Variants in CFHR4 observed in about 807,000 individuals in gnomAD.
CFHR4 encodes the protein complement factor H-related protein 4.
A neutral mutation model predicts 69.3 loss-of-function variants in CFHR4; 64 were observed. That is an observed-to-expected ratio of 0.92 (90% CI 0.76 to 1.14). The LOEUF (loss-of-function observed/expected upper bound fraction) is 1.14. Among genes scored for constraint, CFHR4 ranks in the 50% most tolerant of loss-of-function variants. CFHR4 has a pLI of 0.00. For missense variants in CFHR4, 636 were observed against 684.9 expected, an observed-to-expected ratio of 0.93 and a Z score of 0.80; for synonymous variants, 244 against 237.0, an observed-to-expected ratio of 1.03 and a Z score of -0.27.
At chr1:196,893,226 G>C (rs1657123907) in intron 1 of CFHR4, among the ~76,000 whole-genome samples, 2 of 151,826 alleles carry the variant, frequency 1.3e-5, no homozygotes, top group Admixed American at 1.3e-4. Flanking sequence ...CAAAAAGATA[G>C]AGTTATAGCG....
At chr1:196,900,317 A>ATTTTTTT (rs36051521) in intron 1 of CFHR4, among the ~76,000 whole-genome samples, 1 of 134,026 alleles carries the variant, frequency 7.5e-6, no homozygotes, top group Non-Finnish European at 1.6e-5. Flanking sequence ...CATAGGTGGA[A>ATTTTTTT]TTTTTTTTTT....
Position 196,914,499 on chromosome 1 carries a change from T to G in CFHR4, c.1185T>G (p.Phe395Leu). The G allele has an allele frequency of 6.2e-7, 1 of 1,605,200 alleles. No individual in the cohort carries two copies. The highest frequency in any genetic ancestry group is 1.1e-5 in the South Asian group (1 of 89,582). ...CTCAATTTTATTTTGTTTCAGAATT[T>G]TGTGATATGCCTGTTTTTGAGAATT... ...GWSAQPICIK[F>L]CDMPVFENSR... Residue 395 changes from phenylalanine to leucine, a missense_variant, in exon 8 of 10, where the codon TTT becomes TTG. Physicochemically the swap from Phe to Leu is conservative, Grantham distance 22. Transcript: ENST00000608469.
In CFHR4 at chr1:196,907,344, A is replaced by G; in HGVS notation, c.645A>G (p.Pro215=). 8 of 1,611,536 alleles carry G rather than the reference A, an allele frequency of 5.0e-6. No individual in the cohort carries two copies. The highest frequency in any genetic ancestry group is 5.9e-6 in the Non-Finnish European group (7 of 1,178,810). Residue 215 remains proline, a synonymous_variant, in exon 5 of 10, where the codon CCA becomes CCG. Coordinates refer to ENST00000608469, the MANE Select transcript of CFHR4 (RefSeq NM_001201550.3). The part of the protein sequence containing the change: ...YNSSENCGPP[P]PISNGDTTSF... ...CTTCAGAAAACTGTGGGCCTCCTCC[A>G]CCTATTAGCAATGGAGATACCACGT...
Position 196,902,472 on chromosome 1 carries a change from G to A in CFHR4, c.113G>A (p.Ser38Asn). The change falls in exon 2 of 10, where the codon AGT becomes AAT. Residue 38 changes from serine to asparagine, a missense_variant. Ser to Asn is a conservative substitution (Grantham distance 46). Around this residue, in one of 3 missense-constraint regions of CFHR4, gnomAD observed 529 missense variants for 533.2 expected, o/e 0.99. Coordinates refer to ENST00000608469, the MANE Select transcript of CFHR4 (RefSeq NM_001201550.3). ...CAACATGGAGGTCTATATTATAAGA[G>A]TTTGCGTAGACTATACTTTCCAGCA... ...EIQHGGLYYK[S>N]LRRLYFPAAA... is the part of the protein sequence containing the mutation. The A allele has an allele frequency of 6.2e-7, 1 of 1,612,042 alleles. No homozygotes were observed. The highest frequency in any genetic ancestry group is 8.5e-7 in the Non-Finnish European group (1 of 1,179,012).
rs1430591408 is a variant in CFHR4 at position 196,892,998 on chromosome 1, G to A, written c.58+4790G>A. 2.6e-5 allele frequency among the ~76,000 whole-genome samples: 4 copies of A among 151,490 alleles called. 2 individuals are homozygous for A. Among genetic ancestry groups the A allele is most frequent in the Admixed American group, 1.3e-4 (2 of 15,196 alleles). On this transcript the variant is annotated intron_variant, in intron 1 of 9. Transcript: ENST00000608469. ...TTAATGGACAATGGTGGTACTGAGA[G>A]GAACATCTATCTCTTTTAGGCTTCA... is the stretch of plus-strand genomic sequence containing the variant.
chr1:196,898,414 G>A (rs958486535), intron 1 of CFHR4, among the ~76,000 whole-genome samples: 3 of 151,560 alleles, frequency 2.0e-5, no homozygotes, highest in East Asian at 1.9e-4. Flanking sequence ...AGTATATGGA[G>A]TTTTGAGAAG....
chr1:196,889,660 G>T (rs984495918), intron 1 of CFHR4, among the ~76,000 whole-genome samples: 1 of 151,478 alleles, frequency 6.6e-6, no homozygotes, highest in African/African-American at 2.4e-5. Flanking sequence ...ATAACATCTT[G>T]GGTAGTGAGA....
At chr1:196,898,683 C>T (rs1657435896) in intron 1 of CFHR4, among the ~76,000 whole-genome samples, 2 of 151,548 alleles carry the variant, frequency 1.3e-5, no homozygotes, top group South Asian at 4.1e-4. Flanking sequence ...CCTTTATTTT[C>T]TCACAGATTT....
At chr1:196,898,857 G>A (rs1248314905) in intron 1 of CFHR4, among the ~76,000 whole-genome samples, 5 of 151,424 alleles carry the variant, frequency 3.3e-5, no homozygotes, top group Admixed American at 6.6e-5. Context: ...TTGGTAGGAG[G>A]TCCCAGTACC....
intron 1 of CFHR4, among the ~76,000 whole-genome samples, chr1:196,895,462 C>G (rs1258999718): frequency 6.6e-6 from 1 of 151,418 alleles, no homozygotes; most frequent in Non-Finnish European, 1.5e-5. Flanking sequence ...TCACTTTATA[C>G]TTTAATTTCT....
At position 196,888,164 on chromosome 1, in the gene CFHR4, T is replaced by C. The variant is rs985129740; in HGVS notation, c.14T>C (p.Ile5Thr). Residue 5 changes from isoleucine (I) to threonine (T), a missense_variant, in exon 1 of 10, where the codon ATC becomes ACC. Ile to Thr is a moderately conservative substitution (Grantham distance 89, BLOSUM62 -1). Transcript: ENST00000608469. ...AGAATATCTAACATGTTGTTACTAA[T>C]CAATGTCATTCTGACCTTGTGGGTT... The part of the protein sequence containing the change: MLLL[I>T]NVILTLWVSC... 6.2e-6 allele frequency: 10 copies of C among 1,611,162 alleles called. No individual in the cohort carries two copies. Among genetic ancestry groups the C allele is most frequent in the Middle Eastern group, 1.7e-4 (1 of 6,050 alleles).
Position 196,914,627 on chromosome 1 carries a change from T to C in CFHR4, c.1313T>C (p.Ile438Thr), listed in dbSNP as rs750894613. 19 of 1,610,814 alleles carry C rather than the reference T, an allele frequency of 1.2e-5. No homozygotes were observed. In the South Asian group the frequency reaches 1.4e-4, roughly 12 times the overall value. ...AGTTATGGAAACACCACAGGTTCCA[T>C]AGTGTGTGGTGAAGATGGGTGGTCC... ...EISYGNTTGS[I>T]VCGEDGWSHF... The change falls in exon 8 of 10, where the codon ATA (isoleucine) becomes ACA (threonine). Residue 438 changes from isoleucine to threonine, a missense_variant. By Grantham distance (89) the Ile-to-Thr change is moderately conservative (BLOSUM62 -1). Coordinates refer to ENST00000608469, the MANE Select transcript of CFHR4 (RefSeq NM_001201550.3).
chr1:196,903,071 T>C (rs186538165), intron 2 of CFHR4, among the ~76,000 whole-genome samples: 2 of 151,438 alleles, frequency 1.3e-5, no homozygotes, highest in Admixed American at 1.3e-4. Context: ...ATTTGGAGAA[T>C]GGATATAATA....
At position 196,918,247 on chromosome 1, in the gene CFHR4, TAAC is replaced by T; in HGVS notation, c.1580_1582del (p.Asn527del). ...TAACTGAAGAAAACATGAATAAAAA[TAAC>T]ATACAGTTAAAAGGAAAAAGTGACA... On this transcript the variant is annotated inframe_deletion, in exon 10 of 10. Coordinates refer to ENST00000608469, the MANE Select transcript of CFHR4 (RefSeq NM_001201550.3). 6.2e-7 allele frequency: 1 copy of T among 1,605,924 alleles called. No individual in the cohort carries two copies. Among genetic ancestry groups the T allele is most frequent in the Non-Finnish European group, 8.5e-7 (1 of 1,174,438 alleles).
In CFHR4 at chr1:196,918,597, C is replaced by T; in HGVS notation, c.*191C>T. 2 of 568,202 alleles carry T rather than the reference C, an allele frequency of 3.5e-6. No individual in the cohort carries two copies. The highest frequency in any genetic ancestry group is 2.1e-5 in the South Asian group (1 of 48,548). The allele number at this position is 568,202 out of a possible 1,614,324, so 35.2% of individuals were successfully genotyped here. A position where few individuals can be genotyped will look rare whatever the true frequency, so the allele number is the denominator to read the frequency against. ...AAAACAAACTAAATTATTGCTTATG[C>T]TTGTACTAAAATAATAAAAACTACC... On this transcript the variant is annotated 3_prime_UTR_variant, in exon 10 of 10. Transcript: ENST00000608469.
intron 9 of CFHR4, among the ~76,000 whole-genome samples, chr1:196,916,464 C>T (rs1238325223): frequency 6.6e-6 from 1 of 151,792 alleles, no homozygotes; most frequent in Non-Finnish European, 1.5e-5. Context: ...TACCTTTTAC[C>T]TTTCATATTG....
intron 5 of CFHR4, among the ~76,000 whole-genome samples, chr1:196,908,877 T>C (rs1445586098): frequency 6.6e-6 from 1 of 151,460 alleles, no homozygotes. Context: ...ATTTTGATGC[T>C]ATGCTACCTT....
intron 1 of CFHR4, among the ~76,000 whole-genome samples, chr1:196,890,015 T>C (rs1401249394): frequency 6.6e-6 from 1 of 151,570 alleles, no homozygotes; most frequent in African/African-American, 2.4e-5. Context: ...TAAATTTCTA[T>C]GAAATCTGTG....
chr1:196,890,242 A>G (rs1033900721), intron 1 of CFHR4, among the ~76,000 whole-genome samples: 9 of 151,496 alleles, frequency 5.9e-5, no homozygotes, highest in African/African-American at 2.2e-4. Flanking sequence ...GTTTATATAT[A>G]CCTGTATTCA....
Sources: gnomAD v4.1 joint callset for allele counts (sites outside exome capture counted in the v4.1 genomes callset) on GRCh38, gnomAD v4.1.1 for gene constraint, gnomAD v4.1.1 regional missense constraint, MANE v1.5 for transcripts, NCBI Gene and HGNC (gene_info 2026-07-23, HGNC 2026-07-21) for gene names.